The following BPIFB3 variants were observed in gnomAD, a reference collection of about 807,000 sequenced individuals.
The protein encoded by BPIFB3 is BPI fold-containing family B member 3.
Under a neutral mutation model 53.1 loss-of-function variants are expected in BPIFB3, and 49 were observed. The ratio of observed to expected loss-of-function variants is 0.92; its 90% CI spans 0.73 to 1.17. BPIFB3 has a LOEUF of 1.17. Among genes scored for constraint, BPIFB3 ranks in the 50% most tolerant of loss-of-function variants. The probability of loss-of-function intolerance (pLI) is 0.00; values close to 1 mark genes in which losing one functional copy is unlikely to be tolerated. For synonymous variants in BPIFB3, 271 were observed against 269.6 expected (o/e 1.01, Z -0.05); for missense variants, 628 against 592.5 (o/e 1.06, Z -0.62).
In BPIFB3 at chr20:33,072,702, A is replaced by G; in HGVS notation, c.1325-15A>G. 1 of 1,600,632 alleles carries G rather than the reference A, an allele frequency of 6.2e-7. No individual in the cohort carries two copies. The highest frequency in any genetic ancestry group is 8.6e-7 in the Non-Finnish European group (1 of 1,167,848). Reference sequence around the variant, plus strand: ...CACCAATGTACCTTTGTTTTCAACGATTCTCTTTTCACAGTGGCCCTGGAT... The same window carrying G: ...CACCAATGTACCTTTGTTTTCAACGGTTCTCTTTTCACAGTGGCCCTGGAT... On this transcript the variant is annotated splice_polypyrimidine_tract_variant and intron_variant, in intron 13 of 14. Coordinates refer to ENST00000375494, the Ensembl canonical transcript of BPIFB3.
Position 33,059,530 on chromosome 20 carries a change from C to A in BPIFB3, c.386+48C>A, listed in dbSNP as rs1263243749. Reference sequence around the variant, plus strand: ...TACCCTCCTGCTTCCTATCCCACCCCCTGACCTGTTGGAGACTCCTACTCT... The same window carrying A: ...TACCCTCCTGCTTCCTATCCCACCCACTGACCTGTTGGAGACTCCTACTCT... On this transcript the variant is annotated intron_variant, in intron 3 of 14. Transcript: ENST00000375494. The A allele has an allele frequency of 5.0e-6, 7 of 1,405,578 alleles. No individual in the cohort carries two copies. The South Asian group carries it at 8.5e-5, about 17-fold the overall frequency. The allele number at this position is 1,405,578 out of a possible 1,614,324, so 87.1% of individuals were successfully genotyped here.
chr20:33,061,531 C>T (rs139461823), intron 4 of BPIFB3, among the ~76,000 whole-genome samples: 31 of 152,274 alleles, frequency 2.0e-4, no homozygotes, highest in African/African-American at 6.3e-4. Flanking sequence ...CCATGTAACC[C>T]GGGCAGCAGC....
At chr20:33,058,243 G>A (rs1003322738) in intron 2 of BPIFB3, among the ~76,000 whole-genome samples, 2 of 152,210 alleles carry the variant, frequency 1.3e-5, no homozygotes, top group Admixed American at 6.5e-5. Context: ...CGGAAAGAAG[G>A]GCTGATGGGT....
chr20:33,062,820 C>T (rs1296686392), intron 5 of BPIFB3, among the ~76,000 whole-genome samples: 1 of 152,204 alleles, frequency 6.6e-6, no homozygotes, highest in African/African-American at 2.4e-5. Flanking sequence ...GGTTTGCTTT[C>T]TCCATCCCCA....
exon 14 of BPIFB3, chr20:33,072,749 G>A (rs746791805): frequency 1.2e-6 from 2 of 1,613,866 alleles, no homozygotes; most frequent in Non-Finnish European, 1.7e-6. Flanking sequence ...CCTGCCTAAG[G>A]TTCTTAATAT....
At chr20:33,057,207 G>C (rs766899305) in intron 2 of BPIFB3, among the ~76,000 whole-genome samples, 8 of 148,546 alleles carry the variant, frequency 5.4e-5, no homozygotes, top group Non-Finnish European at 1.2e-4. Flanking sequence ...CTTTTTTTTT[G>C]AGACACAGTC....
At chr20:33,058,409 A>G (rs1466317499) in intron 2 of BPIFB3, among the ~76,000 whole-genome samples, 1 of 152,166 alleles carries the variant, frequency 6.6e-6, no homozygotes, top group Non-Finnish European at 1.5e-5. Context: ...TGACTAGCCC[A>G]AGCCCATCCA....
intron 4 of BPIFB3, among the ~76,000 whole-genome samples, chr20:33,061,339 CATT>C (rs1980444801): frequency 8.5e-6 from 1 of 116,966 alleles, no homozygotes; most frequent in Non-Finnish European, 2.0e-5. Context: ...CTCAGGCCAT[CATT>C]CATTCATTCA....
At chr20:33,055,054 G>A (rs1980133790), upstream of BPIFB3, among the ~76,000 whole-genome samples, 1 of 152,200 alleles carries the variant, frequency 6.6e-6, no homozygotes, top group African/African-American at 2.4e-5. Context: ...CAGGCTCACT[G>A]GGCCTCTGAG....
chr20:33,071,365 G>A, intron 12 of BPIFB3, 70 bp downstream of exon 13: 2 of 1,505,622 alleles, frequency 1.3e-6, no homozygotes, highest in African/African-American at 1.4e-5. Context: ...AAAGGGGGTG[G>A]CCATGAGTCA....
chr20:33,067,141 A>G (rs532343653), intron 9 of BPIFB3, among the ~76,000 whole-genome samples: 1 of 152,342 alleles, frequency 6.6e-6, no homozygotes, highest in South Asian at 2.1e-4. Flanking sequence ...ACACAAGGAC[A>G]AAAGTCTTTT....
chr20:33,062,006 G>A lies in BPIFB3; in HGVS notation c.591+175G>A, dbSNP rs542958133. 8.5e-4 allele frequency among the ~76,000 whole-genome samples: 129 copies of A among 152,160 alleles called. 1 individual carries two copies. The highest frequency in any genetic ancestry group is 3.0e-3 in the African/African-American group (125 of 41,530). ...GCCTTCCTGGCGCGCCTGCTAGTCT[G>A]GGGGTGGATGACACGATCCTTTCGG... On this transcript the variant is annotated intron_variant, in intron 5 of 14. Transcript: ENST00000375494.
chr20:33,064,713 C>G, exon 8 of BPIFB3: 1 of 1,614,094 alleles, frequency 6.2e-7, no homozygotes, highest in Non-Finnish European at 8.5e-7. Flanking sequence ...TCCCCAAGTC[C>G]CGTGCCCCAG....
chr20:33,067,028 C>T (rs1235813562), intron 9 of BPIFB3, 151 bp downstream of exon 10: 1 of 786,152 alleles, frequency 1.3e-6, no homozygotes, highest in Non-Finnish European at 2.1e-6. Flanking sequence ...ACTAACACGA[C>T]ATCCTTTCCT....
At chr20:33,065,785 G>A (rs905600914) in intron 8 of BPIFB3, among the ~76,000 whole-genome samples, 1 of 152,080 alleles carries the variant, frequency 6.6e-6, no homozygotes, top group Admixed American at 6.5e-5. Flanking sequence ...TCTCAGCCTG[G>A]GCTCCCCACC....
chr20:33,058,271 G>C (rs1224046541), intron 2 of BPIFB3, among the ~76,000 whole-genome samples: 1 of 152,188 alleles, frequency 6.6e-6, no homozygotes, highest in Non-Finnish European at 1.5e-5. Context: ...TCCCTAAACG[G>C]AACATAATGT....
intron 3 of BPIFB3, 101 bp from the exon 5 acceptor site, chr20:33,059,790 A>C: frequency 6.8e-7 from 1 of 1,475,026 alleles, no homozygotes; most frequent in Non-Finnish European, 9.1e-7. Flanking sequence ...GAGGCTGAGA[A>C]GGGGGCACAG....
chr20:33,061,861 C>T (rs781378947), intron 5 of BPIFB3, 30 bp downstream of exon 6: 15 of 1,611,962 alleles, frequency 9.3e-6, no homozygotes, highest in Non-Finnish European at 1.2e-5. Context: ...GCCAGCATGC[C>T]CTCTCCCAGG....
chr20:33,070,584 C>T (rs1280872052), intron 11 of BPIFB3, among the ~76,000 whole-genome samples: 1 of 152,224 alleles, frequency 6.6e-6, no homozygotes, highest in African/African-American at 2.4e-5. Context: ...CATGGCAGGG[C>T]CCCGGCCTGT....
Sources: allele counts gnomAD v4.1 joint callset (sites outside exome capture counted in the v4.1 genomes callset), GRCh38; gene constraint gnomAD v4.1.1; transcripts MANE v1.5; gene names NCBI Gene and HGNC (gene_info 2026-07-23, HGNC 2026-07-21).